The following ZNF292 variants were observed in gnomAD, a reference collection of about 807,000 sequenced individuals.
ZNF292 encodes zinc finger protein 292, also known as 16 zinc-finger domain protein.
ZNF292 carries 26 observed loss-of-function variants against 217.9 expected under a neutral mutation model. The observed-to-expected ratio is 0.12, with a 90% CI of 0.09 to 0.17. The LOEUF is 0.17. Among genes scored for constraint, ZNF292 ranks in the 10% least tolerant of loss-of-function variants. The probability of loss-of-function intolerance (pLI) is 1.00; values close to 1 mark genes in which losing one functional copy is unlikely to be tolerated. For synonymous variants in ZNF292, 1,257 were observed against 1,124.1 expected (o/e 1.12, Z -2.37); for missense variants, 2,904 against 3,175.2 (o/e 0.91, Z 2.05).
Position 87,245,549 on chromosome 6 carries a change from T to C in ZNF292, c.925T>C (p.Ser309Pro). ...TAAATTACAACAAAGAGTAGAACCA[T>C]CTATACAAGTGTACCTTGAGAGGTG... ...WSKLQQRVEP[S>P]IQVYLERCRQ... Residue 309 changes from serine (S) to proline (P), a missense_variant, in exon 7 of 8, where the codon TCT becomes CCT. Around this residue, in one of 15 missense-constraint regions of ZNF292, gnomAD observed 313 missense variants for 451.0 expected, o/e 0.69. Transcript: ENST00000369577. 1.3e-6 allele frequency: 2 copies of C among 1,556,822 alleles called. No individual in the cohort carries two copies. Among genetic ancestry groups the C allele is most frequent in the Non-Finnish European group, 1.7e-6 (2 of 1,151,182 alleles).
chr6:87,204,323 A>G (rs546497743), intron 1 of ZNF292, among the ~76,000 whole-genome samples: 1 of 152,196 alleles, frequency 6.6e-6, no homozygotes, highest in African/African-American at 2.4e-5. Context: ...ATCAGTGTTT[A>G]TTGCCTGATT....
intron 1 of ZNF292, among the ~76,000 whole-genome samples, chr6:87,169,199 C>G (rs1476964684): frequency 6.6e-6 from 1 of 152,050 alleles, no homozygotes; most frequent in Non-Finnish European, 1.5e-5. Flanking sequence ...CGCCACCATG[C>G]CCAGCTAATT....
intron 1 of ZNF292, among the ~76,000 whole-genome samples, chr6:87,168,219 A>C (rs1410767611): frequency 6.6e-6 from 1 of 152,210 alleles, no homozygotes; most frequent in Admixed American, 6.5e-5. Flanking sequence ...TTTAGTGTCC[A>C]AGTTAATTCA....
chr6:87,215,464 G>A (rs1385976622), intron 1 of ZNF292, among the ~76,000 whole-genome samples: 3 of 152,002 alleles, frequency 2.0e-5, no homozygotes, highest in Non-Finnish European at 4.4e-5. Flanking sequence ...AAAAGGACAC[G>A]TCTTTGCTGA....
At position 87,256,981 on chromosome 6, in the gene ZNF292, C is replaced by T. The variant is rs1373149976; in HGVS notation, c.3352C>T (p.His1118Tyr). Residue 1118 changes from histidine to tyrosine, a missense_variant, in exon 8 of 8, where the codon CAC (histidine) becomes TAC (tyrosine). Physicochemically the swap from His to Tyr is moderately conservative, Grantham distance 83. Transcript: ENST00000369577. ...TAATTCTTCACAGAGTATTGGGAAACACATGAAGACAGCACACCCTGACCA... is the reference window on the plus strand; with the variant it reads ...TAATTCTTCACAGAGTATTGGGAAATACATGAAGACAGCACACCCTGACCA... ...TYNSSQSIGK[H>Y]MKTAHPDQYA... is the part of the protein sequence containing the mutation. 1 of 1,613,572 alleles carries T rather than the reference C, an allele frequency of 6.2e-7. No homozygotes were observed. The highest frequency in any genetic ancestry group is 8.5e-7 in the Non-Finnish European group (1 of 1,179,792).
intron 1 of ZNF292, among the ~76,000 whole-genome samples, chr6:87,175,153 C>T (rs1160471927): frequency 6.6e-6 from 1 of 152,150 alleles, no homozygotes; most frequent in Admixed American, 6.5e-5. Context: ...GGTCATCTCT[C>T]TTCAGATTTT....
Position 87,255,918 on chromosome 6 carries a change from T to C in ZNF292, c.2289T>C (p.Ser763=), listed in dbSNP as rs771850022. 1.2e-6 allele frequency: 2 copies of C among 1,613,658 alleles called. No individual in the cohort carries two copies. Among genetic ancestry groups the C allele is most frequent in the Non-Finnish European group, 1.7e-6 (2 of 1,179,758 alleles). ...TGAAATGTAAAGCTGGTTTTAATAG[T>C]TACGCCGAGCTTTTAACCCACCGAA... ...IQMKCKAGFN[S]YAELLTHRKE... is the part of the protein sequence containing the mutation. The change falls in exon 8 of 8, where the codon AGT becomes AGC. Residue 763 remains serine, a synonymous_variant. Coordinates refer to ENST00000369577, the MANE Select transcript of ZNF292 (RefSeq NM_015021.3).
In ZNF292 at chr6:87,259,002, T is replaced by C. The variant is rs187551781; in HGVS notation, c.5373T>C (p.Tyr1791=). The C allele has an allele frequency of 4.6e-4, 746 of 1,613,546 alleles. 2 individuals carry two copies. The African/African-American group carries it at 9.0e-3, about 19-fold the overall frequency. Residue 1791 remains tyrosine (Y), a synonymous_variant, in exon 8 of 8, where the codon TAT becomes TAC. Transcript: ENST00000369577. ...CTTCACAAAATGCTCAAATAAATTATAACATTCAGCTTCCTTCAGTAAACA... is the reference window on the plus strand; with the variant it reads ...CTTCACAAAATGCTCAAATAAATTACAACATTCAGCTTCCTTCAGTAAACA... The part of the protein sequence containing the change: ...GETSQNAQIN[Y]NIQLPSVNTV...
rs183429401 is a variant in ZNF292, at chr6:87,182,998, A to G, written c.168+27239A>G. ...TTCCCAATGAAACACTCATGGAGATAGTGTTTTACATAAATTTTTAAAAGC... is the reference window on the plus strand; with the variant it reads ...TTCCCAATGAAACACTCATGGAGATGGTGTTTTACATAAATTTTTAAAAGC... On this transcript the variant is annotated intron_variant, in intron 1 of 7. Coordinates refer to ENST00000369577, the MANE Select transcript of ZNF292 (RefSeq NM_015021.3). 1.9e-3 allele frequency among the ~76,000 whole-genome samples: 295 copies of G among 152,304 alleles called. 1 individual carries two copies. Among genetic ancestry groups the G allele is most frequent in the Middle Eastern group, 3.4e-3 (1 of 294 alleles).
intron 1 of ZNF292, among the ~76,000 whole-genome samples, chr6:87,210,917 A>G (rs1299456474): frequency 1.3e-5 from 2 of 152,002 alleles, no homozygotes; most frequent in Admixed American, 6.5e-5. Context: ...AAAGTTGCCA[A>G]TTTTTTTTGT....
chr6:87,163,931 T>TGTAA (rs1368891695), intron 1 of ZNF292, among the ~76,000 whole-genome samples: 7 of 152,198 alleles, frequency 4.6e-5, no homozygotes, highest in Admixed American at 4.6e-4. Flanking sequence ...TGATTAATCT[T>TGTAA]GTAAGTGTAG....
At chr6:87,221,385 C>A (rs889448063) in intron 4 of ZNF292, among the ~76,000 whole-genome samples, 7 of 152,130 alleles carry the variant, frequency 4.6e-5, no homozygotes, top group African/African-American at 1.7e-4. Context: ...ATTTTAATTC[C>A]CCTCTAAAAC....
chr6:87,243,375 A>AT (rs1333773516), intron 5 of ZNF292, 100 bp from the exon 6 acceptor site: 12 of 1,066,900 alleles, frequency 1.1e-5, no homozygotes, highest in South Asian at 6.0e-5. Context: ...CATTTTATTC[A>AT]TAAAAACTAT....
intron 1 of ZNF292, among the ~76,000 whole-genome samples, chr6:87,211,289 G>A (rs886496892): frequency 7.2e-5 from 11 of 152,266 alleles, no homozygotes; most frequent in Admixed American, 3.9e-4. Context: ...CTTCAACCTA[G>A]TGGTCCTGGT....
intron 4 of ZNF292, among the ~76,000 whole-genome samples, chr6:87,226,676 GATATATAGA>G (rs1222856388): frequency 2.8e-5 from 3 of 107,452 alleles, no homozygotes; most frequent in African/African-American, 1.2e-4. Flanking sequence ...TAGATATATA[GATATATAGA>G]TTTTTTTTTT....
chr6:87,248,249 C>T (rs1465804695), intron 7 of ZNF292, among the ~76,000 whole-genome samples: 2 of 152,172 alleles, frequency 1.3e-5, no homozygotes, highest in African/African-American at 4.8e-5. Flanking sequence ...CCAAAAGATA[C>T]TTCCCTATCC....
At chr6:87,189,870 G>A (rs1365369932) in intron 1 of ZNF292, among the ~76,000 whole-genome samples, 1 of 152,070 alleles carries the variant, frequency 6.6e-6, no homozygotes, top group African/African-American at 2.4e-5. Flanking sequence ...TTTCCTTGAG[G>A]GCAGAATCTA....
At position 87,176,590 on chromosome 6, in the gene ZNF292, T is replaced by C. The variant is rs192880901; in HGVS notation, c.168+20831T>C. On this transcript the variant is annotated intron_variant, in intron 1 of 7. Coordinates refer to ENST00000369577, the MANE Select transcript of ZNF292 (RefSeq NM_015021.3). ...AATACCAAGGTACCATATTTTGGGG[T>C]AGCATTTACTGAACCCTATCACCCT... Among the ~76,000 whole-genome samples, 391 of 152,168 alleles carry C rather than the reference T, an allele frequency of 2.6e-3. 2 individuals carry two copies. Among genetic ancestry groups the C allele is most frequent in the African/African-American group, 9.0e-3 (375 of 41,510 alleles).
At chr6:87,165,855 T>A (rs1394975948) in intron 1 of ZNF292, among the ~76,000 whole-genome samples, 1 of 151,798 alleles carries the variant, frequency 6.6e-6, no homozygotes, top group Non-Finnish European at 1.5e-5. Flanking sequence ...GCCTCCAGGT[T>A]TAAGCGATTC....
Sources: gnomAD v4.1 joint callset for allele counts (sites outside exome capture counted in the v4.1 genomes callset) on GRCh38, gnomAD v4.1.1 for gene constraint, gnomAD v4.1.1 regional missense constraint, MANE v1.5 for transcripts, NCBI Gene and HGNC (gene_info 2026-07-23, HGNC 2026-07-21) for gene names.